The following GATA6 variants were observed in gnomAD, a reference collection of about 807,000 sequenced individuals.
GATA6 encodes GATA binding protein 6.
GATA6 carries 11 observed loss-of-function variants against 48.1 expected under a neutral mutation model. The ratio of observed to expected loss-of-function variants is 0.23; its 90% CI spans 0.14 to 0.38. GATA6 has a LOEUF of 0.38. Ranked by LOEUF, GATA6 falls within the 10% of genes least tolerant of loss-of-function variation. GATA6 has a pLI of 1.00. For missense variants in GATA6, 795 were observed against 850.3 expected (o/e 0.93, Z 0.81); for synonymous variants, 419 against 396.1 (o/e 1.06, Z -0.69).
intron 6 of GATA6, among the ~76,000 whole-genome samples, 178 bp downstream of exon 6, chr18:22,183,221 T>C (rs2033220632): frequency 6.6e-6 from 1 of 152,234 alleles, no homozygotes; most frequent in Admixed American, 6.5e-5. Context: ...ATGACAAACT[T>C]AAGTACTTTA....
In GATA6 at chr18:22,184,587, C is replaced by G. The variant is rs201490812; in HGVS notation, c.1620+1544C>G. On this transcript the variant is annotated intron_variant, in intron 6 of 6. Transcript: ENST00000269216. ...TCGGCTCACTGCAACCTCCACTTCCCGGATTCAAGCAATCCTCCCACTTCA... is the reference window on the plus strand; with the variant it reads ...TCGGCTCACTGCAACCTCCACTTCCGGGATTCAAGCAATCCTCCCACTTCA... 2.6e-5 allele frequency among the ~76,000 whole-genome samples: 4 copies of G among 152,084 alleles called. No individual in the cohort carries two copies. In the South Asian group the frequency reaches 8.4e-4, roughly 32 times the overall value.
chr18:22,197,762 A>T (rs564132004), intron 6 of GATA6, among the ~76,000 whole-genome samples: 1 of 152,306 alleles, frequency 6.6e-6, no homozygotes, highest in African/African-American at 2.4e-5. Flanking sequence ...GGACTGAATC[A>T]GGACAGGACT....
At chr18:22,177,610 T>C (rs189840294) in intron 3 of GATA6, among the ~76,000 whole-genome samples, 68 of 152,316 alleles carry the variant, frequency 4.5e-4, no homozygotes, top group African/African-American at 1.5e-3. Flanking sequence ...TTTCACTGTG[T>C]ATGGTTTAGA....
intron 3 of GATA6, among the ~76,000 whole-genome samples, chr18:22,178,498 AATTT>A (rs1244088110): frequency 6.6e-6 from 1 of 152,150 alleles, no homozygotes; most frequent in Non-Finnish European, 1.5e-5. Flanking sequence ...GTATCCCAGT[AATTT>A]ATTTGTTATA....
intron 6 of GATA6, among the ~76,000 whole-genome samples, chr18:22,194,665 T>C (rs1186766728): frequency 6.6e-6 from 1 of 152,084 alleles, no homozygotes; most frequent in East Asian, 1.9e-4. Flanking sequence ...GTGTGTGTAT[T>C]AGGTCCAGGA....
Position 22,200,639 on chromosome 18 carries a change from T to C in GATA6, c.1621-17T>C, listed in dbSNP as rs1173932444. ...CTCACCTTCTCGTCTCTCCTCTGTGTCCCCCTCTTCTGCCAGGCGGGTGCC... is the reference window on the plus strand; with the variant it reads ...CTCACCTTCTCGTCTCTCCTCTGTGCCCCCCTCTTCTGCCAGGCGGGTGCC... On this transcript the variant is annotated splice_polypyrimidine_tract_variant and intron_variant, in intron 6 of 6. Coordinates refer to ENST00000269216, the MANE Select transcript of GATA6 (RefSeq NM_005257.6). 1.2e-6 allele frequency: 2 copies of C among 1,614,176 alleles called. No homozygotes were observed. The highest frequency in any genetic ancestry group is 2.2e-5 in the East Asian group (1 of 44,878).
intron 6 of GATA6, among the ~76,000 whole-genome samples, chr18:22,199,053 G>A (rs1171223929): frequency 1.3e-5 from 2 of 152,162 alleles, no homozygotes; most frequent in African/African-American, 4.8e-5. Context: ...TGGTTGGGAG[G>A]AAGGAAGTTT....
chr18:22,187,160 T>C (rs1212696724), intron 6 of GATA6, among the ~76,000 whole-genome samples: 3 of 152,254 alleles, frequency 2.0e-5, no homozygotes, highest in East Asian at 3.8e-4. Context: ...CTAAAAAATG[T>C]ATATTTAGTT....
intron 6 of GATA6, among the ~76,000 whole-genome samples, chr18:22,199,550 C>T (rs1319400385): frequency 6.6e-6 from 1 of 152,132 alleles, no homozygotes; most frequent in Admixed American, 6.5e-5. Flanking sequence ...TCCTATTTGG[C>T]CTTTTTCATG....
intron 6 of GATA6, among the ~76,000 whole-genome samples, chr18:22,186,988 G>A (rs903418388): frequency 6.6e-6 from 1 of 152,102 alleles, no homozygotes; most frequent in East Asian, 1.9e-4. Context: ...GAGGACTCAC[G>A]GTCATACAGC....
intron 6 of GATA6, among the ~76,000 whole-genome samples, chr18:22,195,630 C>A (rs184693797): frequency 6.6e-6 from 1 of 152,184 alleles, no homozygotes; most frequent in Non-Finnish European, 1.5e-5. Context: ...CTCAGCTAGT[C>A]CCCTGTTTCT....
chr18:22,191,210 T>C (rs1297157807), intron 6 of GATA6, among the ~76,000 whole-genome samples: 1 of 152,102 alleles, frequency 6.6e-6, no homozygotes, highest in Non-Finnish European at 1.5e-5. Flanking sequence ...AGAATTGTGG[T>C]TTATTTAATA....
Position 22,170,309 on chromosome 18 carries a change from C to A in GATA6, c.-38+627C>A, listed in dbSNP as rs2033015801. 1.3e-5 allele frequency among the ~76,000 whole-genome samples: 2 copies of A among 152,204 alleles called. No homozygotes were observed. The highest frequency in any genetic ancestry group is 1.3e-4 in the Admixed American group (2 of 15,288). On this transcript the variant is annotated intron_variant, in intron 1 of 6. Coordinates refer to ENST00000269216, the MANE Select transcript of GATA6 (RefSeq NM_005257.6). This position sits in a 1 kb window ranked among gnomAD's most constrained non-coding sequence, Gnocchi z 6.7. ...CCGCGGGGTGGGCCGGGTGGCCCGG[C>A]CGGCGTGAGCGCGCACGCTGGTGGC...
intron 6 of GATA6, among the ~76,000 whole-genome samples, chr18:22,197,265 G>T (rs1210183762): frequency 1.3e-5 from 2 of 150,900 alleles, no homozygotes; most frequent in Admixed American, 1.3e-4. Context: ...TGGTCAGGCT[G>T]GTCTCAAACT....
rs761113665 is a variant in GATA6, at chr18:22,200,632, C to T, written c.1621-24C>T. ...ACCGCTTCTCACCTTCTCGTCTCTCCTCTGTGTCCCCCTCTTCTGCCAGGC... is the reference window on the plus strand; with the variant it reads ...ACCGCTTCTCACCTTCTCGTCTCTCTTCTGTGTCCCCCTCTTCTGCCAGGC... On this transcript the variant is annotated intron_variant, in intron 6 of 6. Coordinates refer to ENST00000269216, the MANE Select transcript of GATA6 (RefSeq NM_005257.6). The T allele has an allele frequency of 9.9e-6, 16 of 1,614,214 alleles. 1 individual carries two copies. The South Asian group carries it at 1.5e-4, about 16-fold the overall frequency.
intron 6 of GATA6, among the ~76,000 whole-genome samples, chr18:22,199,407 A>G (rs566394640): frequency 6.6e-6 from 1 of 152,382 alleles, no homozygotes; most frequent in East Asian, 1.9e-4. Context: ...TTTTAGAAGG[A>G]AAAAGGTGAT....
rs372228686 is a variant in GATA6 at position 22,171,514 on chromosome 18, G to T, written c.370G>T (p.Ala124Ser). ...CACTGACCTCGACCAAGCCGCGACC[G>T]CCAGCAAGCTGCTGTGGTCCAGCCG... ...LFTDLDQAAT[A>S]SKLLWSSRGA... Residue 124 changes from alanine to serine, a missense_variant, in exon 2 of 7, where the codon GCC becomes TCC. Physicochemically the swap from Ala to Ser is moderately conservative, Grantham distance 99. Around this residue, in one of 5 missense-constraint regions of GATA6, gnomAD observed 591 missense variants for 570.0 expected, o/e 1.04. Transcript: ENST00000269216. This position sits in a 1 kb window ranked among gnomAD's most constrained non-coding sequence, Gnocchi z 7.1. The T allele has an allele frequency of 6.9e-6, 11 of 1,603,200 alleles. No individual in the cohort carries two copies. Among genetic ancestry groups the T allele is most frequent in the Admixed American group, 6.7e-5 (4 of 59,974 alleles).
chr18:22,191,120 A>AT (rs1246505246), intron 6 of GATA6, among the ~76,000 whole-genome samples: 8 of 151,166 alleles, frequency 5.3e-5, no homozygotes, highest in Non-Finnish European at 1.0e-4. Context: ...TGTGTGCTAC[A>AT]TCAATATCCA....
At chr18:22,187,410 T>C (rs894631015) in intron 6 of GATA6, among the ~76,000 whole-genome samples, 5 of 151,898 alleles carry the variant, frequency 3.3e-5, no homozygotes, top group African/African-American at 1.2e-4. Context: ...AACCTGGGAG[T>C]TGCAGGTTGC....
Sources: allele counts gnomAD v4.1 joint callset (sites outside exome capture counted in the v4.1 genomes callset), GRCh38; gene constraint gnomAD v4.1.1; regional missense constraint gnomAD v4.1.1; non-coding constraint Gnocchi (gnomAD v3.1); transcripts MANE v1.5; gene names NCBI Gene and HGNC (gene_info 2026-07-23, HGNC 2026-07-21).